NEK9: variants seen among roughly 807,000 people sequenced by gnomAD.
The protein encoded by NEK9 is NIMA related kinase 9.
Under a neutral mutation model 123.4 loss-of-function variants are expected in NEK9, and 75 were observed. That is an observed-to-expected ratio of 0.61 (90% CI 0.50 to 0.74). The LOEUF (loss-of-function observed/expected upper bound fraction) is 0.74. Ranked by LOEUF, NEK9 falls within the 30% of genes least tolerant of loss-of-function variation. NEK9 has a pLI of 0.00. For synonymous variants in NEK9, 438 were observed against 458.7 expected, an observed-to-expected ratio of 0.95 and a Z score of 0.58; for missense variants, 952 against 1,214.4, an observed-to-expected ratio of 0.78 and a Z score of 3.21.
At chr14:75,095,078 C>T (rs1323932290) in intron 18 of NEK9, among the ~76,000 whole-genome samples, 1 of 152,084 alleles carries the variant, frequency 6.6e-6, no homozygotes, top group Non-Finnish European at 1.5e-5. Context: ...CTCATTACCC[C>T]CTAGAATAGT....
chr14:75,091,234 A>T, intron 19 of NEK9, 36 bp downstream of exon 19: 6 of 1,563,250 alleles, frequency 3.8e-6, no homozygotes, highest in Non-Finnish European at 5.2e-6. Flanking sequence ...AAAGGGCCAC[A>T]TATTTTATCC....
intron 18 of NEK9, among the ~76,000 whole-genome samples, chr14:75,092,232 A>G (rs923519692): frequency 6.6e-6 from 1 of 151,316 alleles, no homozygotes; most frequent in Non-Finnish European, 1.5e-5. Context: ...TTGGCCTCCC[A>G]AAGTGCTGGG....
chr14:75,086,874 C>G (rs1894041439), intron 21 of NEK9, 144 bp downstream of exon 21: 4 of 806,730 alleles, frequency 5.0e-6, no homozygotes, highest in African/African-American at 1.7e-5. Flanking sequence ...CCACTGCACT[C>G]TGGCCTGGCA....
intron 6 of NEK9, among the ~76,000 whole-genome samples, chr14:75,114,780 G>A (rs962426058): frequency 6.6e-6 from 1 of 152,066 alleles, no homozygotes; most frequent in Admixed American, 6.6e-5. Flanking sequence ...ACATTATTGA[G>A]AGACTACTAC....
rs935697080 is a variant in NEK9, at chr14:75,124,161, A to G, written c.282T>C (p.Arg94=). The G allele has an allele frequency of 6.2e-7, 1 of 1,614,150 alleles. No homozygotes were observed. The highest frequency in any genetic ancestry group is 8.5e-7 in the Non-Finnish European group (1 of 1,179,988). Residue 94 remains arginine (R), a synonymous_variant, in exon 2 of 22, where the codon CGT becomes CGC. Coordinates refer to ENST00000238616, the MANE Select transcript of NEK9 (RefSeq NM_033116.6). ...GAATAACAATCTCATTCAAGGCATCACGACGTTCCTTCTCAGACAGCCGGG... is the reference window on the plus strand; with the variant it reads ...GAATAACAATCTCATTCAAGGCATCGCGACGTTCCTTCTCAGACAGCCGGG... ...DLTRLSEKER[R]DALNEIVILA...
chr14:75,091,502 T>TA lies in NEK9; in HGVS notation c.2234-25dup, dbSNP rs772118532. Reference sequence around the variant, plus strand: ...CACTGACAGATATACAGCACAGAAATAGACAGCTTTGCTATGCAGCAAGAC... The same window carrying TA: ...CACTGACAGATATACAGCACAGAAATAAGACAGCTTTGCTATGCAGCAAGAC... On this transcript the variant is annotated intron_variant, in intron 18 of 21. Transcript: ENST00000238616. 4 of 1,519,024 alleles carry TA rather than the reference T, an allele frequency of 2.6e-6. No individual in the cohort carries two copies. In the Admixed American group the frequency reaches 8.3e-5, roughly 31 times the overall value. The allele number at this position is 1,519,024 out of a possible 1,614,324, so 94.1% of individuals were successfully genotyped here. A position where few individuals can be genotyped will look rare whatever the true frequency, so the allele number is the denominator to read the frequency against.
intron 16 of NEK9, among the ~76,000 whole-genome samples, chr14:75,099,760 C>T (rs112249116): frequency 0.051 from 6,757 of 132,226 alleles, 180 homozygotes; most frequent in Middle Eastern, 0.069. Flanking sequence ...CCAGCCTGGG[C>T]GACAACAGTG....
intron 20 of NEK9, 130 bp downstream of exon 20, chr14:75,088,350 T>C: frequency 2.4e-6 from 2 of 848,252 alleles, no homozygotes; most frequent in East Asian, 5.0e-5. Flanking sequence ...TAAGTACTGC[T>C]GAATAGACAG....
In NEK9 at chr14:75,091,443, C is replaced by T; in HGVS notation, c.2269G>A (p.Gly757Ser). The change falls in exon 19 of 22, where the codon GGC (glycine) becomes AGC (serine). Residue 757 changes from glycine (G) to serine (S), a missense_variant. Physicochemically the swap from Gly to Ser is moderately conservative, Grantham distance 56. Coordinates refer to ENST00000238616, the MANE Select transcript of NEK9 (RefSeq NM_033116.6). The stretch of plus-strand genomic sequence containing the variant: ...CTGTCCTCTTCTTCACCACCGCCGC[C>T]CCCGCCGCCTCCTCCCGGGCTAGAG... ...QSSSPGGGGGGGGGEEEDSQQ... is the reference protein window; with the variant it reads ...QSSSPGGGGGSGGGEEEDSQQ... 6.2e-7 allele frequency: 1 copy of T among 1,606,756 alleles called. No individual in the cohort carries two copies. Among genetic ancestry groups the T allele is most frequent in the Non-Finnish European group, 8.5e-7 (1 of 1,176,884 alleles).
chr14:75,113,218 T>C, intron 8 of NEK9, 121 bp downstream of exon 8: 1 of 766,134 alleles, frequency 1.3e-6, no homozygotes. Context: ...GGGATGTTGG[T>C]AGAAAATAGC....
At chr14:75,093,774 C>T (rs892108629) in intron 18 of NEK9, among the ~76,000 whole-genome samples, 12 of 152,204 alleles carry the variant, frequency 7.9e-5, no homozygotes, top group Admixed American at 6.5e-4. Flanking sequence ...TGTTTCTAAA[C>T]TTTATAAAAA....
intron 14 of NEK9, among the ~76,000 whole-genome samples, chr14:75,102,378 T>C (rs1479115959): frequency 6.6e-6 from 1 of 152,200 alleles, no homozygotes; most frequent in Non-Finnish European, 1.5e-5. Flanking sequence ...GACGGAGTCT[T>C]GCTTTGTCGC....
Position 75,101,697 on chromosome 14 carries a change from A to G in NEK9, c.1800T>C (p.Arg600=), listed in dbSNP as rs1379170550. Reference sequence around the variant, plus strand: ...TGTGAGTCTTGCCTGGGGCAATGGTACGGATCTTATAAAAGGACAACTGTT... The same window carrying G: ...TGTGAGTCTTGCCTGGGGCAATGGTGCGGATCTTATAAAAGGACAACTGTT... ...LAKQLSFYKI[R]TIAPGKTHTA... Residue 600 remains arginine (R), a synonymous_variant, in exon 15 of 22, where the codon CGT becomes CGC. Transcript: ENST00000238616. The G allele has an allele frequency of 2.5e-6, 4 of 1,614,028 alleles. No homozygotes were observed. Among genetic ancestry groups the G allele is most frequent in the East Asian group, 4.5e-5 (2 of 44,890 alleles).
chr14:75,113,056 T>C (rs1392623429), intron 8 of NEK9, among the ~76,000 whole-genome samples: 1 of 152,196 alleles, frequency 6.6e-6, no homozygotes, highest in Non-Finnish European at 1.5e-5. Flanking sequence ...GACACCCCTC[T>C]TCCTTACTGC....
chr14:75,121,290 G>C, intron 2 of NEK9, 116 bp from the exon 3 acceptor site: 1 of 686,616 alleles, frequency 1.5e-6, no homozygotes. Context: ...CTCTCCATAG[G>C]CAACTACTTC....
chr14:75,093,854 A>G (rs540553749), intron 18 of NEK9, among the ~76,000 whole-genome samples: 2 of 152,148 alleles, frequency 1.3e-5, no homozygotes, highest in East Asian at 3.9e-4. Flanking sequence ...GTTCACTTTC[A>G]CTCCAATGGA....
At chr14:75,113,733 G>T (rs1369062386) in intron 7 of NEK9, among the ~76,000 whole-genome samples, 2 of 152,034 alleles carry the variant, frequency 1.3e-5, no homozygotes, top group Non-Finnish European at 2.9e-5. Context: ...TTCGTCTGGG[G>T]TGGGGCCCAG....
Position 75,118,946 on chromosome 14 carries a change from A to G in NEK9, c.525-11T>C, listed in dbSNP as rs1895229936. 1.5e-6 allele frequency: 2 copies of G among 1,332,732 alleles called. No individual in the cohort carries two copies. The highest frequency in any genetic ancestry group is 2.4e-5 in the South Asian group (2 of 84,570). The allele number at this position is 1,332,732 out of a possible 1,614,324, so 82.6% of individuals were successfully genotyped here. On this transcript the variant is annotated splice_polypyrimidine_tract_variant and intron_variant, in intron 4 of 21. Coordinates refer to ENST00000238616, the MANE Select transcript of NEK9 (RefSeq NM_033116.6). ...AATGTCTTTATATCTCTGAAAAAAA[A>G]AGATGCTGCAAATTAAGTTCACACA...
rs200506562 is a variant in NEK9 at position 75,092,795 on chromosome 14, C to CT, written c.2234-1318dup. ...TTAAAGAAAAATTGCCTGGTATTTT[C>CT]TTTTTTTTTTTCTCTTACTCCTCAG... is the stretch of plus-strand genomic sequence containing the variant. On this transcript the variant is annotated intron_variant, in intron 18 of 21. Transcript: ENST00000238616. 6.7e-3 allele frequency among the ~76,000 whole-genome samples: 982 copies of CT among 146,136 alleles called. 9 individuals are homozygous for CT. Among genetic ancestry groups the CT allele is most frequent in the African/African-American group, 0.022 (899 of 40,098 alleles).
Sources: gnomAD v4.1 joint callset for allele counts (sites outside exome capture counted in the v4.1 genomes callset) on GRCh38, gnomAD v4.1.1 for gene constraint, MANE v1.5 for transcripts, NCBI Gene and HGNC (gene_info 2026-07-23, HGNC 2026-07-21) for gene names.